MYT1L: variants seen among roughly 807,000 people sequenced by gnomAD.
MYT1L encodes the protein myelin transcription factor 1-like protein.
In MYT1L, 12 loss-of-function variants were observed where a neutral mutation model predicts 126.7. The ratio of observed to expected loss-of-function variants is 0.09; its 90% CI spans 0.06 to 0.15. The LOEUF is 0.15. Among genes scored for constraint, MYT1L ranks in the 10% least tolerant of loss-of-function variants. MYT1L has a pLI of 1.00. For synonymous variants in MYT1L, 541 were observed against 604.2 expected, an observed-to-expected ratio of 0.90 and a Z score of 1.53; for missense variants, 979 against 1,585.2, an observed-to-expected ratio of 0.62 and a Z score of 6.49.
intron 4 of MYT1L, among the ~76,000 whole-genome samples, chr2:2,017,788 A>G (rs544924199): frequency 1.0e-3 from 156 of 152,230 alleles, no homozygotes; most frequent in Non-Finnish European, 1.8e-3. Flanking sequence ...AAGGGATGCT[A>G]TGTGTTCACT....
At chr2:2,139,529 C>T (rs779684414) in intron 3 of MYT1L, among the ~76,000 whole-genome samples, 14 of 151,932 alleles carry the variant, frequency 9.2e-5, no homozygotes, top group Non-Finnish European at 2.1e-4. Flanking sequence ...ATCCCAGCTA[C>T]TCGGGAGGCT....
At chr2:2,158,477 T>C (rs936822196) in intron 3 of MYT1L, among the ~76,000 whole-genome samples, 2 of 152,184 alleles carry the variant, frequency 1.3e-5, no homozygotes, top group African/African-American at 4.8e-5. Flanking sequence ...AGATCGCTCC[T>C]TTCTTCTTTG....
chr2:2,188,642 T>C (rs1456174458), intron 2 of MYT1L, among the ~76,000 whole-genome samples: 1 of 152,178 alleles, frequency 6.6e-6, no homozygotes, highest in Non-Finnish European at 1.5e-5. Context: ...TCCAATGTTC[T>C]GTGTATTCCC....
intron 2 of MYT1L, among the ~76,000 whole-genome samples, chr2:2,223,982 G>T (rs1221370946): frequency 6.6e-6 from 1 of 152,156 alleles, no homozygotes; most frequent in Non-Finnish European, 1.5e-5. Context: ...TGGGCCCTTT[G>T]TGTTGCTTTG....
chr2:2,214,919 T>C (rs1159333037), intron 2 of MYT1L, among the ~76,000 whole-genome samples: 1 of 152,132 alleles, frequency 6.6e-6, no homozygotes, highest in Non-Finnish European at 1.5e-5. Context: ...AAATGTATGA[T>C]AATAGCACAA....
intron 5 of MYT1L, among the ~76,000 whole-genome samples, chr2:1,983,566 A>T (rs7569308): frequency 2.6e-5 from 4 of 152,122 alleles, no homozygotes; most frequent in African/African-American, 9.6e-5. Context: ...CGGCACTCTC[A>T]CACTTTGTTT....
intron 21 of MYT1L, among the ~76,000 whole-genome samples, chr2:1,814,831 G>A (rs1307703695): frequency 2.0e-5 from 3 of 152,152 alleles, no homozygotes; most frequent in Non-Finnish European, 2.9e-5. Flanking sequence ...GGGGTGGAGA[G>A]TGGAACCTCG....
At chr2:2,207,570 T>TG (rs138933308) in intron 2 of MYT1L, among the ~76,000 whole-genome samples, 202 of 152,276 alleles carry the variant, frequency 1.3e-3, no homozygotes, top group African/African-American at 4.7e-3. Flanking sequence ...GAAGACAGAA[T>TG]GGGGCAAGGC....
chr2:2,183,629 AT>A (rs1398309251), intron 2 of MYT1L, among the ~76,000 whole-genome samples: 1 of 152,202 alleles, frequency 6.6e-6, no homozygotes, highest in African/African-American at 2.4e-5. Context: ...CATATTCTTC[AT>A]AGTTGCAGCT....
chr2:2,328,520 G>A (rs1350644208), intron 1 of MYT1L, among the ~76,000 whole-genome samples: 2 of 152,054 alleles, frequency 1.3e-5, no homozygotes, highest in Non-Finnish European at 2.9e-5. Flanking sequence ...AAATCATTGG[G>A]CCTTTACCTT....
chr2:1,925,503 CT>C (rs1264800316), intron 9 of MYT1L, among the ~76,000 whole-genome samples: 1 of 152,134 alleles, frequency 6.6e-6, no homozygotes, highest in Non-Finnish European at 1.5e-5. Context: ...TACATCTCAC[CT>C]TTTTGATAAT....
intron 5 of MYT1L, among the ~76,000 whole-genome samples, chr2:1,986,795 G>C (rs2061062826): frequency 6.6e-6 from 1 of 152,122 alleles, no homozygotes; most frequent in Non-Finnish European, 1.5e-5. Context: ...TGCTGTGCAA[G>C]CAGTGGTGAA....
Position 1,806,883 on chromosome 2 carries a change from C to T in MYT1L, c.3172+2193G>A, listed in dbSNP as rs913928839. ...ATTTCCACTTTAATCCAGGGTTATT[C>T]GGGGGTGAAATGCCCTCTAAGTATT... On this transcript the variant is annotated intron_variant, in intron 22 of 24. Transcript: ENST00000647738. This position sits in a 1 kb window ranked among gnomAD's most constrained non-coding sequence, Gnocchi z 4.9. Among the ~76,000 whole-genome samples, 5 of 152,292 alleles carry T rather than the reference C, an allele frequency of 3.3e-5. No individual in the cohort carries two copies. Among genetic ancestry groups the T allele is most frequent in the East Asian group, 1.9e-4 (1 of 5,188 alleles).
intron 3 of MYT1L, among the ~76,000 whole-genome samples, chr2:2,093,472 G>A (rs2150401861): frequency 6.6e-6 from 1 of 151,722 alleles, no homozygotes; most frequent in South Asian, 2.1e-4. Context: ...GTGTCTTTTG[G>A]CTGCATAAAT....
chr2:2,315,668 T>C (rs1390293994), intron 1 of MYT1L, among the ~76,000 whole-genome samples: 5 of 152,188 alleles, frequency 3.3e-5, no homozygotes, highest in Admixed American at 2.0e-4. Flanking sequence ...TGAATTTGTG[T>C]ACAAGAGAGT....
Position 2,122,870 on chromosome 2 carries a change from T to TGA in MYT1L, c.-304+50001_-304+50002insTC, listed in dbSNP as rs1437538873. Among the ~76,000 whole-genome samples, 312 of 126,484 alleles carry TGA rather than the reference T, an allele frequency of 2.5e-3. 1 individual carries two copies. Among genetic ancestry groups the TGA allele is most frequent in the African/African-American group, 8.6e-3 (280 of 32,602 alleles). The allele number at this position is 126,484 out of a possible 152,430, so 83.0% of individuals were successfully genotyped here. ...GTGTGTGTGTGTGTGTGTGTGTGTG[T>TGA]GTGAGAGAGAGAGAGAGAGAGACCA... is the stretch of plus-strand genomic sequence containing the variant. On this transcript the variant is annotated intron_variant, in intron 3 of 24. Coordinates refer to ENST00000647738, the MANE Select transcript of MYT1L (RefSeq NM_001303052.2).
At chr2:2,314,102 T>C (rs1184641713) in intron 1 of MYT1L, among the ~76,000 whole-genome samples, 1 of 152,208 alleles carries the variant, frequency 6.6e-6, no homozygotes, top group Non-Finnish European at 1.5e-5. Context: ...TTTAATCATC[T>C]TGTAAATCAT....
In MYT1L at chr2:1,835,152, G is replaced by A. The variant is rs769321820; in HGVS notation, c.3080+3997C>T. ...ACAGGTACTCCTCCACATACCATGG[G>A]GTCAGCATCCCCATAAAGCCATCTT... On this transcript the variant is annotated intron_variant, in intron 21 of 24. Transcript: ENST00000647738. 1.3e-3 allele frequency among the ~76,000 whole-genome samples: 199 copies of A among 152,120 alleles called. 2 individuals carry two copies. The highest frequency in any genetic ancestry group is 2.6e-3 in the Admixed American group (40 of 15,272).
At chr2:1,994,437 C>T (rs999200253) in intron 5 of MYT1L, among the ~76,000 whole-genome samples, 18 of 152,160 alleles carry the variant, frequency 1.2e-4, no homozygotes, top group Non-Finnish European at 2.5e-4. Flanking sequence ...CCTGCCCCCT[C>T]CTCCCAGCGA....
Sources: allele counts gnomAD v4.1 joint callset (sites outside exome capture counted in the v4.1 genomes callset), GRCh38; gene constraint gnomAD v4.1.1; non-coding constraint Gnocchi (gnomAD v3.1); transcripts MANE v1.5; gene names NCBI Gene and HGNC (gene_info 2026-07-23, HGNC 2026-07-21).